ABHD2: variants seen among roughly 807,000 people sequenced by gnomAD.
ABHD2 encodes the protein abhydrolase domain containing 2, acylglycerol lipase.
In ABHD2, 20 loss-of-function variants were observed where a neutral mutation model predicts 48.1. That is an observed-to-expected ratio of 0.42 (90% CI 0.29 to 0.60). ABHD2 has a LOEUF of 0.60. ABHD2 is among the 20% of genes least tolerant of loss of function. The pLI, the probability that ABHD2 is intolerant of heterozygous loss-of-function variation, is 0.24. For synonymous variants in ABHD2, 209 were observed against 214.2 expected (o/e 0.98, Z 0.21); for missense variants, 405 against 550.9 (o/e 0.74, Z 2.65).
In ABHD2 at chr15:89,201,685, G is replaced by C; in HGVS notation, c.*6262G>C. 1 of 1,608,468 alleles carries C rather than the reference G, an allele frequency of 6.2e-7. No homozygotes were observed. Among genetic ancestry groups the C allele is most frequent in the Non-Finnish European group, 8.5e-7 (1 of 1,174,892 alleles). On this transcript the variant is annotated 3_prime_UTR_variant, in exon 11 of 11. Coordinates refer to ENST00000352732, the MANE Select transcript of ABHD2 (RefSeq NM_152924.5). ...CACACTTTTCTATCCGATGGATTTCGCAATTTAAGATTTGTAGTGACTACA... is the reference window on the plus strand; with the variant it reads ...CACACTTTTCTATCCGATGGATTTCCCAATTTAAGATTTGTAGTGACTACA...
intron 3 of ABHD2, among the ~76,000 whole-genome samples, chr15:89,147,762 TTAACTATAAAAGATATTTTTA>T (rs1003669259): frequency 5.8e-4 from 88 of 152,220 alleles, no homozygotes; most frequent in Non-Finnish European, 7.4e-4. Flanking sequence ...AAAGATACTT[TTAACTATAAAAGATATTTTTA>T]TAACTATAAA....
chr15:89,062,536 C>G, the ABHD2 span, among the ~76,000 whole-genome samples: 1 of 151,948 alleles, frequency 6.6e-6, no homozygotes, highest in Admixed American at 6.6e-5. Context: ...GGAGTAGAGG[C>G]ACACAACACC....
In ABHD2 at chr15:89,195,367, G is replaced by T; in HGVS notation, c.1222G>T (p.Glu408Ter). The change falls in exon 11 of 11, where the codon GAG becomes TAG. Residue 408 changes from glutamate to a stop codon, truncating the protein, a stop_gained. Transcript: ENST00000352732. LOFTEE classifies it high-confidence loss of function. This position sits in a 1 kb window ranked among gnomAD's most constrained non-coding sequence, Gnocchi z 5.1. ...VEYANAICQW[E>*]RNKLQCSDTE... ...GTACGCCAACGCCATTTGCCAATGGGAGCGTAACAAGTTGCAGTGCTCTGA... is the reference window on the plus strand; with the variant it reads ...GTACGCCAACGCCATTTGCCAATGGTAGCGTAACAAGTTGCAGTGCTCTGA... 1 of 1,614,214 alleles carries T rather than the reference G, an allele frequency of 6.2e-7. No individual in the cohort carries two copies. Among genetic ancestry groups the T allele is most frequent in the Non-Finnish European group, 8.5e-7 (1 of 1,180,042 alleles).
At chr15:89,067,253 A>G in the ABHD2 span, among the ~76,000 whole-genome samples, 1 of 152,232 alleles carries the variant, frequency 6.6e-6, no homozygotes, top group South Asian at 2.1e-4. Flanking sequence ...GGTGGTGAGG[A>G]TGTGGGGGTT....
intron 5 of ABHD2, among the ~76,000 whole-genome samples, chr15:89,165,320 CACTTA>C (rs1421799705): frequency 1.3e-5 from 2 of 151,954 alleles, no homozygotes; most frequent in East Asian, 1.9e-4. Context: ...AAATTCCTCA[CACTTA>C]ACTTTTGTAT....
intron 5 of ABHD2, among the ~76,000 whole-genome samples, chr15:89,160,565 T>C (rs1473828367): frequency 6.6e-6 from 1 of 152,136 alleles, no homozygotes; most frequent in African/African-American, 2.4e-5. Flanking sequence ...TTTGTCTTAT[T>C]AGTCAAGATG....
chr15:89,096,153 C>G (rs1044490708), intron 1 of ABHD2, among the ~76,000 whole-genome samples: 3 of 152,124 alleles, frequency 2.0e-5, no homozygotes, highest in Admixed American at 2.0e-4. Context: ...ATCCATAGAA[C>G]CTGCCCAGGC....
chr15:89,133,274 A>T (rs1355557346), intron 3 of ABHD2, among the ~76,000 whole-genome samples: 1 of 152,080 alleles, frequency 6.6e-6, no homozygotes, highest in Non-Finnish European at 1.5e-5. Flanking sequence ...CCATAAAAAA[A>T]TAGTTTGTTT....
At chr15:89,067,765 C>G in the ABHD2 span, among the ~76,000 whole-genome samples, 2 of 152,212 alleles carry the variant, frequency 1.3e-5, no homozygotes, top group East Asian at 3.8e-4. Context: ...TCCTAACACT[C>G]TGTGGAGCAA....
chr15:89,078,491 C>T, the ABHD2 span, among the ~76,000 whole-genome samples: 3 of 152,178 alleles, frequency 2.0e-5, no homozygotes, highest in Non-Finnish European at 1.5e-5. Flanking sequence ...CTGTTTACAA[C>T]CTTAAGCTAT....
At chr15:89,083,534 A>G (rs991691140), upstream of ABHD2, among the ~76,000 whole-genome samples, 4 of 152,142 alleles carry the variant, frequency 2.6e-5, no homozygotes, top group Admixed American at 2.6e-4. The surrounding 1 kb of genome is among the most constrained non-coding windows in gnomAD (Gnocchi z 5.1). Context: ...CATTTTTAGT[A>G]CTGGGTCCTA....
chr15:89,152,306 C>T lies in ABHD2; in HGVS notation c.370+454C>T, dbSNP rs548549947. Among the ~76,000 whole-genome samples the T allele has an allele frequency of 2.0e-5, 3 of 152,254 alleles. No homozygotes were observed. The South Asian group carries it at 6.2e-4, about 32-fold the overall frequency. ...GTGTTAGCCAGGATGGTCTCGATCT[C>T]CTGACCTCGTGATCTGCCTGCCTCG... On this transcript the variant is annotated intron_variant, in intron 4 of 10. Coordinates refer to ENST00000352732, the MANE Select transcript of ABHD2 (RefSeq NM_152924.5).
Position 89,175,926 on chromosome 15 carries a change from G to C in ABHD2, c.653G>C (p.Gly218Ala). 1 of 1,614,070 alleles carries C rather than the reference G, an allele frequency of 6.2e-7. No homozygotes were observed. Among genetic ancestry groups the C allele is most frequent in the Non-Finnish European group, 8.5e-7 (1 of 1,179,984 alleles). The change falls in exon 6 of 11, where the codon GGG becomes GCG. Residue 218 changes from glycine to alanine, a missense_variant. Coordinates refer to ENST00000352732, the MANE Select transcript of ABHD2 (RefSeq NM_152924.5). This position sits in a 1 kb window ranked among gnomAD's most constrained non-coding sequence, Gnocchi z 5.7. ...LGGNIVCKYL[G>A]ETQANQEKVL... ...GGTAACATTGTGTGCAAATACTTGG[G>C]GGAGACTCAGGCAAACCAAGAGAAG...
At chr15:89,135,065 T>G (rs1291325081) in intron 3 of ABHD2, among the ~76,000 whole-genome samples, 1 of 152,018 alleles carries the variant, frequency 6.6e-6, no homozygotes, top group Non-Finnish European at 1.5e-5. Flanking sequence ...TGGTGTGTTC[T>G]TTCTTTATTT....
At chr15:89,055,593 C>G in the ABHD2 span, among the ~76,000 whole-genome samples, 1 of 152,038 alleles carries the variant, frequency 6.6e-6, no homozygotes, top group Admixed American at 6.6e-5. Flanking sequence ...CCTCGGCCTC[C>G]CAAAGTGCTG....
Position 89,201,756 on chromosome 15 carries a change from A to T in ABHD2, c.*6333A>T, listed in dbSNP as rs1014504740. ...TTTGAGGTCTATGGGCGGGTCGAGG[A>T]CCAGGATCTGCTCGTGCTTCGCCGT... is the stretch of plus-strand genomic sequence containing the variant. On this transcript the variant is annotated 3_prime_UTR_variant, in exon 11 of 11. Coordinates refer to ENST00000352732, the MANE Select transcript of ABHD2 (RefSeq NM_152924.5). The T allele has an allele frequency of 1.7e-5, 26 of 1,545,626 alleles. No individual in the cohort carries two copies. Among genetic ancestry groups the T allele is most frequent in the Non-Finnish European group, 2.3e-5 (26 of 1,118,860 alleles).
chr15:89,141,884 C>T (rs1434744681), intron 3 of ABHD2, among the ~76,000 whole-genome samples: 1 of 152,192 alleles, frequency 6.6e-6, no homozygotes. Flanking sequence ...AAATGGCCAG[C>T]ATCAGAATAT....
At chr15:89,099,493 G>T (rs1407946757) in intron 1 of ABHD2, among the ~76,000 whole-genome samples, 1 of 152,278 alleles carries the variant, frequency 6.6e-6, no homozygotes, top group East Asian at 1.9e-4. Flanking sequence ...CATACCTGCA[G>T]TCCCAGCTAC....
chr15:89,068,717 C>CCCAG, the ABHD2 span, among the ~76,000 whole-genome samples: 10 of 143,786 alleles, frequency 7.0e-5, no homozygotes, highest in Non-Finnish European at 1.5e-4. Context: ...ACAGAGTTTT[C>CCCAG]CCAGGTTCAA....
Sources: allele counts gnomAD v4.1 joint callset (sites outside exome capture counted in the v4.1 genomes callset), GRCh38; gene constraint gnomAD v4.1.1; non-coding constraint Gnocchi (gnomAD v3.1); transcripts MANE v1.5; gene names NCBI Gene and HGNC (gene_info 2026-07-23, HGNC 2026-07-21).